Variants in ENPP1 observed in about 807,000 individuals in gnomAD.
ENPP1 encodes the protein ectonucleotide pyrophosphatase/phosphodiesterase 1.
A neutral mutation model predicts 122.8 loss-of-function variants in ENPP1; 73 were observed. The observed-to-expected ratio is 0.59, with a 90% CI of 0.49 to 0.72. The LOEUF (loss-of-function observed/expected upper bound fraction) is 0.72, where lower values mean the gene tolerates loss of function less well. Among genes scored for constraint, ENPP1 ranks in the 30% least tolerant of loss-of-function variants. The pLI is 0.00. For synonymous variants in ENPP1, 367 were observed against 391.6 expected (o/e 0.94, Z 0.74); for missense variants, 978 against 1,128.1 (o/e 0.87, Z 1.91).
intron 1 of ENPP1, among the ~76,000 whole-genome samples, chr6:131,822,677 C>G (rs1343027268): frequency 6.6e-6 from 1 of 151,060 alleles, no homozygotes; most frequent in African/African-American, 2.4e-5. Flanking sequence ...CATTGATAGA[C>G]AGCTTTCTAA....
intron 13 of ENPP1, among the ~76,000 whole-genome samples, chr6:131,871,200 G>A (rs1782158145): frequency 6.6e-6 from 1 of 152,006 alleles, no homozygotes; most frequent in Non-Finnish European, 1.5e-5. Flanking sequence ...ATATATGTAT[G>A]TCACTTTACA....
At position 131,892,908 on chromosome 6, in the gene ENPP1, T is replaced by C. The variant is rs1782490116; in HGVS notation, c.*2397T>C. The C allele has an allele frequency of 1.3e-5, 2 of 152,096 alleles. No homozygotes were observed. Among genetic ancestry groups the C allele is most frequent in the South Asian group, 4.1e-4 (2 of 4,822 alleles). 9.4% of individuals were successfully genotyped at this position (152,096 alleles called of 1,614,324 possible). On this transcript the variant is annotated 3_prime_UTR_variant, in exon 25 of 25. Coordinates refer to ENST00000647893, the MANE Select transcript of ENPP1 (RefSeq NM_006208.3). ...GAGCAGGACTCTCTTAGGGCTTTTT[T>C]TTCCCCTGCATTTATTGACATTTCC...
At chr6:131,815,895 AT>A (rs1781407741) in intron 1 of ENPP1, among the ~76,000 whole-genome samples, 1 of 79,742 alleles carries the variant, frequency 1.3e-5, no homozygotes, top group Non-Finnish European at 2.6e-5. Context: ...TTTTTTTTGT[AT>A]TTTTAGTAGA....
At chr6:131,886,326 G>A (rs1782376628) in intron 23 of ENPP1, among the ~76,000 whole-genome samples, 1 of 152,116 alleles carries the variant, frequency 6.6e-6, no homozygotes, top group Admixed American at 6.5e-5. Flanking sequence ...AATTCTAAAA[G>A]TCAATAAACT....
At chr6:131,819,987 A>G in intron 1 of ENPP1, 1 of 561,944 alleles carries the variant, frequency 1.8e-6, no homozygotes, top group Non-Finnish European at 3.4e-6. Flanking sequence ...TGAAAAGCAA[A>G]ACCACAAACT....
chr6:131,827,592 G>A (rs955413933), intron 1 of ENPP1: 6 of 593,234 alleles, frequency 1.0e-5, no homozygotes, highest in African/African-American at 1.9e-5. Flanking sequence ...AAAAAATATG[G>A]AACATAAGTT....
At chr6:131,832,215 A>G (rs1047709078) in intron 1 of ENPP1, among the ~76,000 whole-genome samples, 1 of 151,718 alleles carries the variant, frequency 6.6e-6, no homozygotes, top group Non-Finnish European at 1.5e-5. Flanking sequence ...TTATATAACC[A>G]TAAAACTAGT....
At chr6:131,845,451 G>GTTTTTTTTTTTT (rs34638422) in intron 1 of ENPP1, among the ~76,000 whole-genome samples, 1 of 133,092 alleles carries the variant, frequency 7.5e-6, no homozygotes, top group Non-Finnish European at 1.6e-5. Flanking sequence ...GTTTTGGCTT[G>GTTTTTTTTTTTT]TTTTTTTTTT....
rs759206835 is a variant in ENPP1 at position 131,877,057 on chromosome 6, A to T, written c.1789A>T (p.Asn597Tyr). The change falls in exon 18 of 25, where the codon AAT becomes TAT. Residue 597 changes from asparagine to tyrosine, a missense_variant. Physicochemically the swap from Asn to Tyr is moderately radical, Grantham distance 143. Around this residue, in one of 3 missense-constraint regions of ENPP1, gnomAD observed 644 missense variants for 781.5 expected, o/e 0.82. Coordinates refer to ENST00000647893, the MANE Select transcript of ENPP1 (RefSeq NM_006208.3). ...TGGAAGTCTTAACCACCTTCTAAAG[A>T]ATCCTGTTTATACGCCAAAGCATCC... ...THGSLNHLLK[N>Y]PVYTPKHPKE... 6 of 1,614,108 alleles carry T rather than the reference A, an allele frequency of 3.7e-6. No individual in the cohort carries two copies. The highest frequency in any genetic ancestry group is 1.6e-4 in the Middle Eastern group (1 of 6,062).
At chr6:131,876,940 A>C in intron 17 of ENPP1, 52 bp from the exon 18 acceptor site, 2 of 1,545,108 alleles carry the variant, frequency 1.3e-6, no homozygotes, top group Non-Finnish European at 1.8e-6. Context: ...CAAGTCTACT[A>C]TTTGTTTGAT....
At chr6:131,830,882 G>T (rs541741110) in intron 1 of ENPP1, among the ~76,000 whole-genome samples, 1 of 152,070 alleles carries the variant, frequency 6.6e-6, no homozygotes, top group African/African-American at 2.4e-5. Flanking sequence ...AGGCCGAGGT[G>T]GGTGGATTGC....
chr6:131,863,751 A>C (rs1257442243), intron 9 of ENPP1, among the ~76,000 whole-genome samples: 1 of 127,070 alleles, frequency 7.9e-6, no homozygotes, highest in Admixed American at 7.7e-5. Flanking sequence ...ACTAAAATAC[A>C]AAAAAAAAAA....
At chr6:131,831,135 AAAG>A (rs1418240588) in intron 1 of ENPP1, among the ~76,000 whole-genome samples, 30 of 149,000 alleles carry the variant, frequency 2.0e-4, no homozygotes, top group Middle Eastern at 3.2e-3. Context: ...AAAAAAAAAA[AAAG>A]AAAAGAAAAT....
At chr6:131,871,963 C>A in intron 13 of ENPP1, 107 bp from the exon 14 acceptor site, 1 of 860,360 alleles carries the variant, frequency 1.2e-6, no homozygotes. Context: ...TTAAAACCTG[C>A]CTTGGTATTT....
chr6:131,845,074 C>CTTTTTTTTTTTTTTTTTTTTTTTTT (rs1585810973), intron 1 of ENPP1, among the ~76,000 whole-genome samples: 1 of 51,742 alleles, frequency 1.9e-5, no homozygotes, highest in African/African-American at 8.5e-5. Flanking sequence ...TTTTTTTTTC[C>CTTTTTTTTTTTTTTTTTTTTTTTTT]TTGAGACAGA....
chr6:131,870,140 T>A (rs1407908744), intron 13 of ENPP1, among the ~76,000 whole-genome samples: 1 of 152,140 alleles, frequency 6.6e-6, no homozygotes, highest in Non-Finnish European at 1.5e-5. Flanking sequence ...GAAATCCAAC[T>A]ACATTTATTC....
intron 10 of ENPP1, 116 bp from the exon 11 acceptor site, chr6:131,864,747 CAGT>C: frequency 1.2e-6 from 1 of 816,268 alleles, no homozygotes; most frequent in Non-Finnish European, 2.1e-6. Context: ...AATTATTTCT[CAGT>C]AGAACTGTTA....
chr6:131,850,601 T>C (rs1282759377), intron 3 of ENPP1, among the ~76,000 whole-genome samples: 1 of 152,204 alleles, frequency 6.6e-6, no homozygotes, highest in Non-Finnish European at 1.5e-5. Flanking sequence ...CAGGGACTTG[T>C]TCTGTCACCC....
chr6:131,889,892 T>C (rs1782443210), intron 24 of ENPP1, among the ~76,000 whole-genome samples: 1 of 152,222 alleles, frequency 6.6e-6, no homozygotes, highest in African/African-American at 2.4e-5. Context: ...GTTGCACTAA[T>C]TTACACTCCC....
Sources: gnomAD v4.1 joint callset for allele counts (sites outside exome capture counted in the v4.1 genomes callset) on GRCh38, gnomAD v4.1.1 for gene constraint, gnomAD v4.1.1 regional missense constraint, MANE v1.5 for transcripts, NCBI Gene and HGNC (gene_info 2026-07-23, HGNC 2026-07-21) for gene names.